The following TRIQK variants were observed in gnomAD, a reference collection of about 807,000 sequenced individuals.
TRIQK encodes triple QxxK/R motif containing, also known as triple QxxK/R motif-containing protein.
TRIQK carries 10 observed loss-of-function variants against 10.8 expected under a neutral mutation model. That is an observed-to-expected ratio of 0.92 (90% CI 0.57 to 1.57). TRIQK has a LOEUF of 1.57. Among genes scored for constraint, TRIQK ranks in the 40% most tolerant of loss-of-function variants. The pLI, the probability that TRIQK is intolerant of heterozygous loss-of-function variation, is 0.00. For synonymous variants in TRIQK, 33 were observed against 33.7 expected (o/e 0.98, Z 0.07); for missense variants, 107 against 97.7 (o/e 1.09, Z -0.40).
intron 1 of TRIQK, among the ~76,000 whole-genome samples, chr8:92,980,366 G>GGT (rs140764225): frequency 1.3e-3 from 195 of 150,548 alleles, no homozygotes; most frequent in Admixed American, 2.7e-3. Context: ...GGCATATGGG[G>GGT]GTGTGTGTGT....
chr8:93,016,466 C>T (rs1813384734), intron 1 of TRIQK, among the ~76,000 whole-genome samples: 1 of 152,152 alleles, frequency 6.6e-6, no homozygotes, highest in Non-Finnish European at 1.5e-5. Flanking sequence ...ACAGTTCTAT[C>T]AACAATGGAG....
At chr8:92,924,545 C>T (rs1810348575) in intron 2 of TRIQK, among the ~76,000 whole-genome samples, 1 of 151,760 alleles carries the variant, frequency 6.6e-6, no homozygotes. Context: ...ATATTGCACA[C>T]AAGAGTCATC....
chr8:92,991,862 A>G (rs970198063), intron 1 of TRIQK, among the ~76,000 whole-genome samples: 12 of 152,166 alleles, frequency 7.9e-5, no homozygotes, highest in African/African-American at 2.9e-4. Flanking sequence ...CACTAACGAT[A>G]GACAAACAGA....
In TRIQK at chr8:92,916,973, G is replaced by T; in HGVS notation, c.17C>A (p.Ala6Asp). The change falls in exon 3 of 5, where the codon GCT becomes GAT. Residue 6 changes from alanine (A) to aspartate (D), a missense_variant. Coordinates refer to ENST00000521988, the MANE Select transcript of TRIQK (RefSeq NM_001171797.2). MGRKD[A>D]ATIKLPVDQY... Reference sequence around the variant, plus strand: ...ATCAACAGGAAGTTTTATAGTAGCAGCATCTTTTCTACCCATCTTTGATCT... The same window carrying T: ...ATCAACAGGAAGTTTTATAGTAGCATCATCTTTTCTACCCATCTTTGATCT... 1 of 1,509,414 alleles carries T rather than the reference G, an allele frequency of 6.6e-7. No individual in the cohort carries two copies. Among genetic ancestry groups the T allele is most frequent in the South Asian group, 1.3e-5 (1 of 78,330 alleles). The allele number at this position is 1,509,414 out of a possible 1,614,324, so 93.5% of individuals were successfully genotyped here.
chr8:92,994,715 A>C (rs1223710414), intron 1 of TRIQK, among the ~76,000 whole-genome samples: 1 of 151,938 alleles, frequency 6.6e-6, no homozygotes, highest in Non-Finnish European at 1.5e-5. Flanking sequence ...ATAATATTAC[A>C]TCAAACCAGA....
intron 2 of TRIQK, chr8:92,928,104 G>A (rs1379432730): frequency 6.6e-6 from 1 of 152,100 alleles, no homozygotes; most frequent in Non-Finnish European, 1.5e-5. Flanking sequence ...GAAGGAAATA[G>A]CAGGAGACTA....
rs181627489 is a variant in TRIQK, at chr8:92,926,080, A to C, written c.-21-9070T>G. ...GGGAACAGAGCAAGACTACATCCCC[A>C]AAAAAAAAATTGGAAGCAGCCCCAA... is the stretch of plus-strand genomic sequence containing the variant. On this transcript the variant is annotated intron_variant, in intron 2 of 4. Coordinates refer to ENST00000521988, the MANE Select transcript of TRIQK (RefSeq NM_001171797.2). 6.4e-3 allele frequency among the ~76,000 whole-genome samples: 948 copies of C among 149,024 alleles called. 8 individuals carry two copies. The highest frequency in any genetic ancestry group is 0.016 in the African/African-American group (635 of 40,850).
chr8:92,903,258 A>T (rs1217188310), intron 3 of TRIQK, among the ~76,000 whole-genome samples: 1 of 152,080 alleles, frequency 6.6e-6, no homozygotes, highest in Non-Finnish European at 1.5e-5. Flanking sequence ...GTTATTGTTT[A>T]TATCATTTGA....
chr8:92,891,361 A>G (rs1816753559), intron 4 of TRIQK, among the ~76,000 whole-genome samples: 1 of 151,952 alleles, frequency 6.6e-6, no homozygotes, highest in Admixed American at 6.6e-5. Flanking sequence ...TTCTATTAAT[A>G]GTTTAATTCA....
At chr8:93,017,187 A>G (rs1813393427) in intron 1 of TRIQK, among the ~76,000 whole-genome samples, 1 of 146,026 alleles carries the variant, frequency 6.8e-6, no homozygotes, top group African/African-American at 2.5e-5. Context: ...AAGAATATAT[A>G]CCAATATCAG....
At chr8:93,016,852 G>C (rs1224889599) in intron 1 of TRIQK, among the ~76,000 whole-genome samples, 1 of 152,072 alleles carries the variant, frequency 6.6e-6, no homozygotes, top group Non-Finnish European at 1.5e-5. Flanking sequence ...AAGATGTAAG[G>C]CTAGCAAAAG....
chr8:92,899,713 G>A (rs1440856187), intron 3 of TRIQK, among the ~76,000 whole-genome samples: 1 of 152,150 alleles, frequency 6.6e-6, no homozygotes, highest in East Asian at 1.9e-4. Context: ...AATAAACGTA[G>A]GAGTGTAGAT....
At position 92,892,005 on chromosome 8, in the gene TRIQK, GTTTTC is replaced by G. The variant is rs1395616964; in HGVS notation, c.126_130del (p.Lys42AsnfsTer35). On this transcript the variant is annotated frameshift_variant, in exon 4 of 5. Transcript: ENST00000521988. LOFTEE classifies it high-confidence loss of function. Reference sequence around the variant, plus strand: ...GAGGTTTACCTTTATGCCTATTGCTGTTTTCTTTGCTTCTGCTTTTAATTTGGTTG... The same window carrying G: ...GAGGTTTACCTTTATGCCTATTGCTGTTTGCTTCTGCTTTTAATTTGGTTG... 6.5e-7 allele frequency: 1 copy of G among 1,533,152 alleles called. No individual in the cohort carries two copies. The highest frequency in any genetic ancestry group is 8.7e-7 in the Non-Finnish European group (1 of 1,144,194). 95.0% of individuals were successfully genotyped at this position (1,533,152 alleles called of 1,614,324 possible).
chr8:92,928,876 C>T (rs540865296), intron 2 of TRIQK, among the ~76,000 whole-genome samples: 23 of 152,164 alleles, frequency 1.5e-4, no homozygotes, highest in Admixed American at 1.0e-3. Context: ...AAATCAGATA[C>T]TTTTTAATAA....
intron 3 of TRIQK, among the ~76,000 whole-genome samples, 153 bp downstream of exon 3, chr8:92,916,776 T>C (rs772631282): frequency 2.6e-5 from 4 of 152,058 alleles, no homozygotes; most frequent in Middle Eastern, 3.2e-3. Flanking sequence ...CAGGACTGCA[T>C]TTAATTTTGC....
At chr8:92,921,321 C>G (rs551817484) in intron 2 of TRIQK, 3 of 151,478 alleles carry the variant, frequency 2.0e-5, no homozygotes, top group African/African-American at 7.2e-5. Context: ...TATTTCCGTG[C>G]CAGAAAGATA....
intron 1 of TRIQK, among the ~76,000 whole-genome samples, chr8:93,010,869 CA>C (rs1400065212): frequency 6.6e-6 from 1 of 152,140 alleles, no homozygotes; most frequent in Non-Finnish European, 1.5e-5. Context: ...ATATATGCTT[CA>C]TTCATGCTAT....
At chr8:92,905,396 G>C (rs1356207034) in intron 3 of TRIQK, among the ~76,000 whole-genome samples, 1 of 152,044 alleles carries the variant, frequency 6.6e-6, no homozygotes, top group Non-Finnish European at 1.5e-5. Context: ...CTAAATGATA[G>C]ATTACTGGCA....
chr8:92,930,626 T>A (rs1477495373), intron 2 of TRIQK, among the ~76,000 whole-genome samples: 3 of 152,094 alleles, frequency 2.0e-5, no homozygotes, highest in Non-Finnish European at 4.4e-5. Flanking sequence ...AGGGTACCAT[T>A]AGCTTCAGGG....
Sources: allele counts gnomAD v4.1 joint callset (sites outside exome capture counted in the v4.1 genomes callset), GRCh38; gene constraint gnomAD v4.1.1; transcripts MANE v1.5; gene names NCBI Gene and HGNC (gene_info 2026-07-23, HGNC 2026-07-21).